Variants in SEZ6 observed in about 807,000 individuals in gnomAD.
The protein encoded by SEZ6 is seizure protein 6 homolog.
SEZ6 carries 53 observed loss-of-function variants against 101.0 expected under a neutral mutation model. The observed-to-expected ratio is 0.52, with a 90% CI of 0.42 to 0.66. The LOEUF is 0.66. Ranked by LOEUF, SEZ6 falls within the 30% of genes least tolerant of loss-of-function variation. The pLI is 0.00. For synonymous variants in SEZ6, 488 were observed against 512.2 expected (o/e 0.95, Z 0.64); for missense variants, 1,102 against 1,289.4 (o/e 0.85, Z 2.23).
At position 28,958,267 on chromosome 17, in the gene SEZ6, G is replaced by A. The variant is rs1318968823; in HGVS notation, c.2108-126C>T. 2.7e-6 allele frequency: 3 copies of A among 1,116,440 alleles called. No individual in the cohort carries two copies. The East Asian group carries it at 7.5e-5, about 28-fold the overall frequency. The allele number at this position is 1,116,440 out of a possible 1,614,324, so 69.2% of individuals were successfully genotyped here. A position where few individuals can be genotyped will look rare whatever the true frequency, so the allele number is the denominator to read the frequency against. ...CCTAGACTGTCCTGGGCGGGCTCAGGGATCCATTCCTCCCTGCTCAAGGGC... is the reference window on the plus strand; with the variant it reads ...CCTAGACTGTCCTGGGCGGGCTCAGAGATCCATTCCTCCCTGCTCAAGGGC... On this transcript the variant is annotated intron_variant, in intron 10 of 16. Coordinates refer to ENST00000317338, the MANE Select transcript of SEZ6 (RefSeq NM_178860.5).
intron 3 of SEZ6, among the ~76,000 whole-genome samples, chr17:28,974,058 A>G (rs747370236): frequency 7.9e-5 from 12 of 152,152 alleles, no homozygotes; most frequent in Non-Finnish European, 5.9e-5. Context: ...CTCTAGCTCA[A>G]CAGCCTCATC....
chr17:28,956,085 C>G, intron 16 of SEZ6, 74 bp downstream of exon 16: 2 of 1,594,070 alleles, frequency 1.3e-6, no homozygotes, highest in South Asian at 2.2e-5. Context: ...TTGGCAGGAC[C>G]CTCAGGGTTA....
chr17:28,979,590 C>T, intron 3 of SEZ6, 90 bp downstream of exon 3: 1 of 1,570,960 alleles, frequency 6.4e-7, no homozygotes. Flanking sequence ...TGCCCCTAAT[C>T]ATCCCCACAT....
At chr17:28,979,959 G>A in intron 2 of SEZ6, 146 bp from the exon 3 acceptor site, 2 of 896,400 alleles carry the variant, frequency 2.2e-6, no homozygotes, top group South Asian at 2.7e-5. Flanking sequence ...CTAGTCTCCT[G>A]TTGAAGGAAG....
At chr17:28,966,208 C>T (rs1020575321) in intron 4 of SEZ6, among the ~76,000 whole-genome samples, 24 of 150,692 alleles carry the variant, frequency 1.6e-4, no homozygotes, top group Non-Finnish European at 2.5e-4. Context: ...CAGCTGGGCA[C>T]GGTGGCTCAC....
chr17:28,987,235 T>C (rs778599252), intron 1 of SEZ6, among the ~76,000 whole-genome samples: 2 of 152,198 alleles, frequency 1.3e-5, no homozygotes, highest in South Asian at 2.1e-4. Context: ...CAAGTTTTAA[T>C]AGGGGATTAG....
intron 1 of SEZ6, among the ~76,000 whole-genome samples, chr17:29,003,919 C>T (rs1169499853): frequency 6.6e-6 from 1 of 152,188 alleles, no homozygotes; most frequent in East Asian, 1.9e-4. Context: ...AGACTTGAGG[C>T]CACAGAGTGA....
At chr17:29,006,159 C>A, upstream of SEZ6, 1 of 251,658 alleles carries the variant, frequency 4.0e-6, no homozygotes, top group Non-Finnish European at 7.5e-6. Flanking sequence ...CCCAGGCTCC[C>A]GCTCCACCGC....
At position 29,005,896 on chromosome 17, in the gene SEZ6, C is replaced by T; in HGVS notation, c.-27G>A. The T allele has an allele frequency of 7.0e-7, 1 of 1,420,382 alleles. No homozygotes were observed. Among genetic ancestry groups the T allele is most frequent in the Non-Finnish European group, 9.2e-7 (1 of 1,082,462 alleles). The allele number at this position is 1,420,382 out of a possible 1,614,324, so 88.0% of individuals were successfully genotyped here. A position where few individuals can be genotyped will look rare whatever the true frequency, so the allele number is the denominator to read the frequency against. On this transcript the variant is annotated 5_prime_UTR_variant, in exon 1 of 17. Transcript: ENST00000317338. The surrounding 1 kb of genome is among the most constrained non-coding windows in gnomAD (Gnocchi z 4.8). ...GTGCTGGTTGCGGCCGCGCCCTGGG[C>T]TGGGACCGCGGCGGGAGGGCGGGGG...
intron 3 of SEZ6, among the ~76,000 whole-genome samples, chr17:28,972,630 G>A (rs1471395225): frequency 5.3e-5 from 8 of 152,258 alleles, no homozygotes; most frequent in Admixed American, 5.2e-4. Context: ...ATCTGCTGGG[G>A]ACATTCCTCA....
At position 28,959,659 on chromosome 17, in the gene SEZ6, C is replaced by T. The variant is rs1433937515; in HGVS notation, c.1771+39G>A. ...CTGCTATTCTCCTGGTATGACCCTG[C>T]CTTTTGCCCGGTAGGCCCATCCACT... On this transcript the variant is annotated intron_variant, in intron 8 of 16. Coordinates refer to ENST00000317338, the MANE Select transcript of SEZ6 (RefSeq NM_178860.5). The surrounding 1 kb of genome is among the most constrained non-coding windows in gnomAD (Gnocchi z 4.4). The T allele has an allele frequency of 6.5e-7, 1 of 1,549,482 alleles. No homozygotes were observed. The highest frequency in any genetic ancestry group is 2.3e-5 in the East Asian group (1 of 44,354).
At chr17:28,998,476 G>A (rs8074998) in intron 1 of SEZ6, among the ~76,000 whole-genome samples, 5,336 of 152,030 alleles carry the variant, frequency 0.035, 331 homozygotes, top group African/African-American at 0.12. Flanking sequence ...AGATTCTGCA[G>A]CACATGCGAT....
At chr17:28,963,318 A>C (rs553286161) in intron 5 of SEZ6, among the ~76,000 whole-genome samples, 2 of 152,176 alleles carry the variant, frequency 1.3e-5, no homozygotes, top group East Asian at 3.9e-4. Flanking sequence ...TCATTCCCCA[A>C]ATCACAATCT....
At chr17:28,961,088 C>A in intron 5 of SEZ6, 115 bp from the exon 6 acceptor site, 1 of 1,310,520 alleles carries the variant, frequency 7.6e-7, no homozygotes, top group Admixed American at 2.2e-5. Context: ...GGGGACCTTG[C>A]CTCCCTGCCA....
intron 1 of SEZ6, among the ~76,000 whole-genome samples, chr17:28,997,633 C>G (rs1471705304): frequency 1.3e-5 from 2 of 152,182 alleles, no homozygotes; most frequent in Non-Finnish European, 2.9e-5. Flanking sequence ...ATCAGCCTCT[C>G]CTGGTGATGG....
chr17:28,994,196 T>C (rs563321982), intron 1 of SEZ6, among the ~76,000 whole-genome samples: 7 of 152,178 alleles, frequency 4.6e-5, no homozygotes, highest in Non-Finnish European at 8.8e-5. Flanking sequence ...GCTCTGCCAC[T>C]GACAGGCTAT....
At chr17:28,962,941 G>T (rs1229678987) in intron 5 of SEZ6, among the ~76,000 whole-genome samples, 1 of 151,956 alleles carries the variant, frequency 6.6e-6, no homozygotes, top group Non-Finnish European at 1.5e-5. Context: ...TGGCTAACAT[G>T]GTGAAACCCC....
rs1391577606 is a variant in SEZ6, at chr17:29,005,639, C to G, written c.55+176G>C. Among the ~76,000 whole-genome samples, 3 of 151,306 alleles carry G rather than the reference C, an allele frequency of 2.0e-5. No individual in the cohort carries two copies. Among genetic ancestry groups the G allele is most frequent in the Admixed American group, 2.0e-4 (3 of 15,178 alleles). ...AATGGCGGGAGCCGCGGCAGCTTCC[C>G]GCCCGCGAAGCCCGCGCCCCGCCCG... is the stretch of plus-strand genomic sequence containing the variant. On this transcript the variant is annotated intron_variant, in intron 1 of 16. Coordinates refer to ENST00000317338, the MANE Select transcript of SEZ6 (RefSeq NM_178860.5). This position sits in a 1 kb window ranked among gnomAD's most constrained non-coding sequence, Gnocchi z 4.8.
chr17:28,999,351 A>G (rs1018895875), intron 1 of SEZ6, among the ~76,000 whole-genome samples: 2 of 151,934 alleles, frequency 1.3e-5, no homozygotes, highest in African/African-American at 2.4e-5. Context: ...GCCCCCCTTC[A>G]TTCAGTCCCT....
Sources: allele counts gnomAD v4.1 joint callset (sites outside exome capture counted in the v4.1 genomes callset), GRCh38; gene constraint gnomAD v4.1.1; non-coding constraint Gnocchi (gnomAD v3.1); transcripts MANE v1.5; gene names NCBI Gene and HGNC (gene_info 2026-07-23, HGNC 2026-07-21).